The following ELFN1 variants were observed in gnomAD, a reference collection of about 807,000 sequenced individuals.
ELFN1 encodes extracellular leucine rich repeat and fibronectin type III domain containing 1, also known as protein ELFN1.
Under a neutral mutation model 7.6 loss-of-function variants are expected in ELFN1, and 6 were observed. The ratio of observed to expected loss-of-function variants is 0.79; its 90% CI spans 0.43 to 1.56. The LOEUF (loss-of-function observed/expected upper bound fraction) is 1.56, where lower values mean the gene tolerates loss of function less well. Among genes scored for constraint, ELFN1 ranks in the 40% most tolerant of loss-of-function variants. ELFN1 has a pLI of 0.01. For synonymous variants in ELFN1, 657 were observed against 588.1 expected (o/e 1.12, Z -1.70); for missense variants, 1,169 against 1,232.2 (o/e 0.95, Z 0.77).
intron 2 of ELFN1, among the ~76,000 whole-genome samples, chr7:1,703,047 T>G (rs1256962612): frequency 6.6e-6 from 1 of 152,210 alleles, no homozygotes; most frequent in East Asian, 1.9e-4. Flanking sequence ...TGGGATTTAT[T>G]TTTAGTTTGG....
intron 3 of ELFN1, among the ~76,000 whole-genome samples, chr7:1,726,135 C>T (rs915759866): frequency 2.0e-5 from 3 of 152,148 alleles, no homozygotes; most frequent in Non-Finnish European, 4.4e-5. Context: ...AGTGGGTCTT[C>T]GGCTGGAGAA....
upstream of ELFN1, among the ~76,000 whole-genome samples, chr7:1,669,736 C>G (rs1030580418): frequency 6.6e-6 from 1 of 152,204 alleles, no homozygotes; most frequent in Non-Finnish European, 1.5e-5. Flanking sequence ...CCTGCGTTCT[C>G]CGCCCCTAGG....
chr7:1,725,144 A>G (rs1045381641), intron 3 of ELFN1, among the ~76,000 whole-genome samples: 1 of 152,188 alleles, frequency 6.6e-6, no homozygotes, highest in Non-Finnish European at 1.5e-5. Context: ...AGGATTAGGG[A>G]GGGGAAGCAG....
At chr7:1,737,370 CCTGCTCCGGGTCTCGGGGGCA>C (rs970185510) in intron 3 of ELFN1, among the ~76,000 whole-genome samples, 3 of 152,114 alleles carry the variant, frequency 2.0e-5, no homozygotes, top group Non-Finnish European at 2.9e-5. Context: ...CACGGACCCT[CCTGCTCCGGGTCTCGGGGGCA>C]CAGCAGGCGG....
rs191280036 is a variant in ELFN1 at position 1,696,785 on chromosome 7, A to C, written c.-456+8635A>C. ...GCTAACTCCGATCACCTCCCAGAGAACCCGCTGCCTCCTCTCATCAGCCGG... is the reference window on the plus strand; with the variant it reads ...GCTAACTCCGATCACCTCCCAGAGACCCCGCTGCCTCCTCTCATCAGCCGG... On this transcript the variant is annotated intron_variant, in intron 2 of 3. Transcript: ENST00000424383. 2.9e-3 allele frequency among the ~76,000 whole-genome samples: 446 copies of C among 151,936 alleles called. 2 individuals are homozygous for C. Among genetic ancestry groups the C allele is most frequent in the African/African-American group, 0.01 (419 of 41,420 alleles).
At position 1,731,703 on chromosome 7, in the gene ELFN1, G is replaced by A. The variant is rs965801338; in HGVS notation, c.-293-12601G>A. Among the ~76,000 whole-genome samples, 5 of 152,340 alleles carry A rather than the reference G, an allele frequency of 3.3e-5. No homozygotes were observed. In the East Asian group the frequency reaches 7.7e-4, roughly 24 times the overall value. On this transcript the variant is annotated intron_variant, in intron 3 of 3. Transcript: ENST00000424383. ...GTCTCGCTCTGTCGCCCAGGCTGGG[G>A]TGCAGTGGTGCGATCTCAGCTCACT...
chr7:1,707,394 G>A (rs190171153), intron 2 of ELFN1, among the ~76,000 whole-genome samples: 57 of 152,370 alleles, frequency 3.7e-4, no homozygotes, highest in African/African-American at 1.2e-3. Context: ...ACAAGCATGC[G>A]TTCCTGCCTC....
chr7:1,696,104 G>A (rs570821472), intron 2 of ELFN1, among the ~76,000 whole-genome samples: 8 of 152,232 alleles, frequency 5.3e-5, no homozygotes, highest in Non-Finnish European at 1.0e-4. Context: ...GTTGGTTCTA[G>A]GAGGGCCAGT....
rs1039665610 is a variant in ELFN1, at chr7:1,705,205, C to G, written c.-455-3886C>G. On this transcript the variant is annotated intron_variant, in intron 2 of 3. Coordinates refer to ENST00000424383, the MANE Select transcript of ELFN1 (RefSeq NM_001128636.4). This position sits in a 1 kb window ranked among gnomAD's most constrained non-coding sequence, Gnocchi z 4.3. Reference sequence around the variant, plus strand: ...ATGGAGGTGCAGGGTGGCAGGGACCCTGGGCGGGGCGGCACAGCTGTGCGG... The same window carrying G: ...ATGGAGGTGCAGGGTGGCAGGGACCGTGGGCGGGGCGGCACAGCTGTGCGG... Among the ~76,000 whole-genome samples, 3 of 152,130 alleles carry G rather than the reference C, an allele frequency of 2.0e-5. No individual in the cohort carries two copies. Among genetic ancestry groups the G allele is most frequent in the African/African-American group, 7.2e-5 (3 of 41,446 alleles).
In ELFN1 at chr7:1,705,559, C is replaced by T. The variant is rs576824144; in HGVS notation, c.-455-3532C>T. On this transcript the variant is annotated intron_variant, in intron 2 of 3. Transcript: ENST00000424383. This position sits in a 1 kb window ranked among gnomAD's most constrained non-coding sequence, Gnocchi z 4.3. ...TTCCGACGGCACACAGTGGGCACCT[C>T]AGATGGCAGGCCTCACAGCCTCACC... Among the ~76,000 whole-genome samples, 1 of 152,336 alleles carries T rather than the reference C, an allele frequency of 6.6e-6. No individual in the cohort carries two copies. Among genetic ancestry groups the T allele is most frequent in the African/African-American group, 2.4e-5 (1 of 41,586 alleles).
At chr7:1,707,537 G>A (rs1779560900) in intron 2 of ELFN1, among the ~76,000 whole-genome samples, 1 of 152,230 alleles carries the variant, frequency 6.6e-6, no homozygotes, top group African/African-American at 2.4e-5. Flanking sequence ...ACCAAGCAAA[G>A]GAAGCAGGCA....
At chr7:1,697,852 A>C (rs866396747) in intron 2 of ELFN1, among the ~76,000 whole-genome samples, 1 of 152,162 alleles carries the variant, frequency 6.6e-6, no homozygotes, top group Non-Finnish European at 1.5e-5. Flanking sequence ...TGGTGCAATC[A>C]TGGCTCACGG....
At chr7:1,696,600 G>C (rs546923331) in intron 2 of ELFN1, among the ~76,000 whole-genome samples, 1 of 151,990 alleles carries the variant, frequency 6.6e-6, no homozygotes. Flanking sequence ...ATGGAGTTTC[G>C]CTATGTTGCC....
intron 2 of ELFN1, among the ~76,000 whole-genome samples, chr7:1,702,464 T>C (rs1779449780): frequency 1.3e-5 from 2 of 150,800 alleles, no homozygotes. Context: ...TCACTCCACC[T>C]TGTTCTTTTT....
At chr7:1,704,517 C>T (rs1779490121) in intron 2 of ELFN1, among the ~76,000 whole-genome samples, 1 of 152,186 alleles carries the variant, frequency 6.6e-6, no homozygotes, top group Non-Finnish European at 1.5e-5. Context: ...TGGTGATACA[C>T]ACAAAGCCAT....
At chr7:1,697,197 T>C (rs1245027921) in intron 2 of ELFN1, among the ~76,000 whole-genome samples, 3 of 152,152 alleles carry the variant, frequency 2.0e-5, no homozygotes, top group South Asian at 2.1e-4. Context: ...CCCCCACCCC[T>C]CCAGGCAGGA....
At position 1,746,778 on chromosome 7, in the gene ELFN1, G is replaced by A. The variant is rs1233837924; in HGVS notation, c.2182G>A (p.Glu728Lys). 2.0e-6 allele frequency: 3 copies of A among 1,518,118 alleles called. No individual in the cohort carries two copies. The highest frequency in any genetic ancestry group is 2.6e-6 in the Non-Finnish European group (3 of 1,138,500). The allele number at this position is 1,518,118 out of a possible 1,614,324, so 94.0% of individuals were successfully genotyped here. A position where few individuals can be genotyped will look rare whatever the true frequency, so the allele number is the denominator to read the frequency against. ...CGGGCCACCGCCGCCGCCTCCGCAC[G>A]AGGGCCTGGGGCGCAAGGCGTCCAT... ...PPGPPPPPPHEGLGRKASILE... is the reference protein window; with the variant it reads ...PPGPPPPPPHKGLGRKASILE... Residue 728 changes from glutamate (E) to lysine (K), a missense_variant, in exon 4 of 4, where the codon GAG becomes AAG. By Grantham distance (56) the Glu-to-Lys change is moderately conservative (BLOSUM62 1). Around this residue, in one of 2 missense-constraint regions of ELFN1, gnomAD observed 914 missense variants for 872.6 expected, o/e 1.05. Transcript: ENST00000424383.
chr7:1,673,414 C>T lies in ELFN1; in HGVS notation c.-549+3060C>T, dbSNP rs745550516. 3.9e-5 allele frequency among the ~76,000 whole-genome samples: 6 copies of T among 152,136 alleles called. No individual in the cohort carries two copies. Among genetic ancestry groups the T allele is most frequent in the Non-Finnish European group, 5.9e-5 (4 of 68,024 alleles). Reference sequence around the variant, plus strand: ...TCCCTTCACCCCTGTGCACCCTGAGCCAGTCAGTGGCACCGACAGTAAACA... The same window carrying T: ...TCCCTTCACCCCTGTGCACCCTGAGTCAGTCAGTGGCACCGACAGTAAACA... On this transcript the variant is annotated intron_variant, in intron 1 of 3. Coordinates refer to ENST00000424383, the MANE Select transcript of ELFN1 (RefSeq NM_001128636.4). The surrounding 1 kb of genome is among the most constrained non-coding windows in gnomAD (Gnocchi z 4.7).
At chr7:1,734,915 G>A (rs909656818) in intron 3 of ELFN1, among the ~76,000 whole-genome samples, 3 of 151,872 alleles carry the variant, frequency 2.0e-5, no homozygotes, top group Admixed American at 2.0e-4. Context: ...GGCTGGGTTC[G>A]AACTCCTGGG....
Sources: gnomAD v4.1 joint callset for allele counts (sites outside exome capture counted in the v4.1 genomes callset) on GRCh38, gnomAD v4.1.1 for gene constraint, gnomAD v4.1.1 regional missense constraint, Gnocchi (gnomAD v3.1) non-coding constraint, MANE v1.5 for transcripts, NCBI Gene and HGNC (gene_info 2026-07-23, HGNC 2026-07-21) for gene names.